SH3KBP1: variants seen among roughly 807,000 people sequenced by gnomAD.
The protein encoded by SH3KBP1 is SH3 domain-containing kinase-binding protein 1.
In SH3KBP1, 8 loss-of-function variants were observed where a neutral mutation model predicts 50.1. The ratio of observed to expected loss-of-function variants is 0.16; its 90% CI spans 0.09 to 0.29. The LOEUF is 0.29. SH3KBP1 is among the 10% of genes least tolerant of loss of function. SH3KBP1 has a pLI of 1.00. For missense variants in SH3KBP1, 377 were observed against 535.2 expected (o/e 0.70, Z 2.92); for synonymous variants, 227 against 218.6 (o/e 1.04, Z -0.34).
At chrX:19,745,905 G>A (rs746476168) in intron 3 of SH3KBP1, among the ~76,000 whole-genome samples, 1 of 112,675 alleles carries the variant, frequency 8.9e-6, no homozygotes, top group South Asian at 3.7e-4. Context: ...CAGGGTCTGC[G>A]CTAGGGAGCC....
intron 6 of SH3KBP1, among the ~76,000 whole-genome samples, chrX:19,669,320 A>AT (rs1414509686): frequency 1.2e-4 from 12 of 101,229 alleles, no homozygotes; most frequent in African/African-American, 4.7e-4. Context: ...AATAATAATA[A>AT]TAATAATTAT....
chrX:19,625,308 G>A (rs1038214449), intron 8 of SH3KBP1, among the ~76,000 whole-genome samples: 2 of 111,090 alleles, frequency 1.8e-5, no homozygotes, highest in African/African-American at 6.6e-5. Flanking sequence ...AATGTCTTAG[G>A]AAGGGCCTCA....
intron 5 of SH3KBP1, among the ~76,000 whole-genome samples, chrX:19,685,828 C>T (rs1352854093): frequency 9.0e-6 from 1 of 111,387 alleles, no homozygotes; most frequent in African/African-American, 3.3e-5. Flanking sequence ...TGGAAAGAAA[C>T]CATCACCACT....
At chrX:19,567,516 CTCAAAAAAAAAAAAA>C (rs2065878252) in intron 13 of SH3KBP1, among the ~76,000 whole-genome samples, 1 of 19,075 alleles carries the variant, frequency 5.2e-5, no homozygotes, top group African/African-American at 2.1e-4. Context: ...AAGACTCCAT[CTCAAAAAAAAAAAAA>C]AAAAAAAAAA....
intron 12 of SH3KBP1, among the ~76,000 whole-genome samples, chrX:19,580,192 C>T (rs908963752): frequency 1.8e-5 from 2 of 111,769 alleles, no homozygotes; most frequent in Non-Finnish European, 3.8e-5. Flanking sequence ...CCATAGTTAA[C>T]TACTACCTAG....
chrX:19,672,158 A>G (rs982217107), intron 6 of SH3KBP1, among the ~76,000 whole-genome samples: 2 of 112,100 alleles, frequency 1.8e-5, no homozygotes, highest in Non-Finnish European at 3.8e-5. Flanking sequence ...AATGACAAAT[A>G]TAATACAAGT....
chrX:19,689,171 G>A (rs755071520), intron 5 of SH3KBP1, among the ~76,000 whole-genome samples: 1 of 112,202 alleles, frequency 8.9e-6, no homozygotes, highest in Admixed American at 9.4e-5. Context: ...ATAATCTGAA[G>A]ACTAACAAAG....
chrX:19,631,512 C>T (rs17247891), intron 8 of SH3KBP1, among the ~76,000 whole-genome samples: 1,477 of 110,664 alleles, frequency 0.013, 7 homozygotes, highest in Middle Eastern at 0.042. Context: ...TAAAAAAAAA[C>T]TCCTCCTCGG....
At position 19,834,557 on chromosome X, in the gene SH3KBP1, C is replaced by T. The variant is rs185129005; in HGVS notation, c.162+1568G>A. On this transcript the variant is annotated intron_variant, in intron 2 of 17. Transcript: ENST00000397821. Reference sequence around the variant, plus strand: ...GGTGATCTTTTTCTACCCAACAATTCAAAGTACTACTTACAACTGTGTGGT... The same window carrying T: ...GGTGATCTTTTTCTACCCAACAATTTAAAGTACTACTTACAACTGTGTGGT... Among the ~76,000 whole-genome samples the T allele has an allele frequency of 1.1e-3, 126 of 112,183 alleles. 1 individual carries two copies. The highest frequency in any genetic ancestry group is 4.0e-3 in the African/African-American group (123 of 30,910).
At chrX:19,645,117 G>A (rs1016134250) in intron 7 of SH3KBP1, among the ~76,000 whole-genome samples, 2 of 112,089 alleles carry the variant, frequency 1.8e-5, no homozygotes, top group African/African-American at 6.5e-5. Context: ...CAAAGTGCTT[G>A]TTATATATGG....
intron 12 of SH3KBP1, among the ~76,000 whole-genome samples, chrX:19,574,866 C>T (rs894739712): frequency 8.0e-5 from 9 of 112,226 alleles, no homozygotes; most frequent in African/African-American, 2.9e-4. Context: ...CCCCTCAATA[C>T]CTCAAAATGT....
At chrX:19,635,950 T>C (rs919010154) in intron 7 of SH3KBP1, among the ~76,000 whole-genome samples, 1 of 112,047 alleles carries the variant, frequency 8.9e-6, no homozygotes, top group African/African-American at 3.2e-5. Context: ...AGGAGGCATT[T>C]GATATGTCTT....
chrX:19,609,410 T>C (rs894947065), intron 8 of SH3KBP1, among the ~76,000 whole-genome samples: 3 of 112,159 alleles, frequency 2.7e-5, no homozygotes, highest in African/African-American at 9.7e-5. Flanking sequence ...ATCCTGACCC[T>C]GAGCCTGCTT....
chrX:19,643,304 T>TTTTTTTG (rs2061908712), intron 7 of SH3KBP1, among the ~76,000 whole-genome samples: 1 of 92,322 alleles, frequency 1.1e-5, no homozygotes, highest in African/African-American at 5.0e-5. Context: ...TGAAGAATTT[T>TTTTTTTG]TTATTTTTTT....
intron 1 of SH3KBP1, among the ~76,000 whole-genome samples, chrX:19,874,048 C>CAAAA (rs55948760): frequency 1.9e-4 from 5 of 26,279 alleles, no homozygotes; most frequent in Middle Eastern, 0.028. Flanking sequence ...GAGTCCATCT[C>CAAAA]AAAAAAAAAA....
At chrX:19,648,016 A>C (rs747211503) in intron 6 of SH3KBP1, 1 of 374,501 alleles carries the variant, frequency 2.7e-6, no homozygotes, top group Admixed American at 2.5e-5. Context: ...GCCTATTCTC[A>C]TACCTAGATA....
At chrX:19,840,651 G>A (rs1316924585) in intron 1 of SH3KBP1, among the ~76,000 whole-genome samples, 1 of 112,134 alleles carries the variant, frequency 8.9e-6, no homozygotes, top group African/African-American at 3.2e-5. Flanking sequence ...CCTTGCCTTC[G>A]AGAGGCTGCA....
At chrX:19,697,954 A>C (rs1010803978) in intron 4 of SH3KBP1, among the ~76,000 whole-genome samples, 2 of 112,363 alleles carry the variant, frequency 1.8e-5, no homozygotes, top group African/African-American at 6.5e-5. Flanking sequence ...ATTCATGCAC[A>C]ACTGTCCCAA....
At chrX:19,648,984 A>T (rs1056555795) in intron 6 of SH3KBP1, among the ~76,000 whole-genome samples, 1 of 112,089 alleles carries the variant, frequency 8.9e-6, no homozygotes, top group Non-Finnish European at 1.9e-5. Flanking sequence ...GTCTAGCTCC[A>T]GTACACAGAT....
Sources: allele counts gnomAD v4.1 joint callset (sites outside exome capture counted in the v4.1 genomes callset), GRCh38; gene constraint gnomAD v4.1.1; transcripts MANE v1.5; gene names NCBI Gene and HGNC (gene_info 2026-07-23, HGNC 2026-07-21).